GNG2: variants seen among roughly 807,000 people sequenced by gnomAD.
The protein encoded by GNG2 is guanine nucleotide-binding protein G(I)/G(S)/G(O) subunit gamma-2.
Under a neutral mutation model 5.5 loss-of-function variants are expected in GNG2, and 5 were observed. The ratio of observed to expected loss-of-function variants is 0.91; its 90% CI spans 0.48 to 1.92. The LOEUF is 1.92. Among genes scored for constraint, GNG2 ranks in the 30% most tolerant of loss-of-function variants. The pLI, the probability that GNG2 is intolerant of heterozygous loss-of-function variation, is 0.01. For synonymous variants in GNG2, 28 were observed against 32.0 expected (o/e 0.88, Z 0.42); for missense variants, 55 against 88.4 (o/e 0.62, Z 1.52).
chr14:51,907,614 T>G (rs1886014933), intron 2 of GNG2, among the ~76,000 whole-genome samples: 1 of 152,246 alleles, frequency 6.6e-6, no homozygotes, highest in Admixed American at 6.5e-5. Context: ...GACATTTAAT[T>G]TGAACCACTG....
intron 2 of GNG2, among the ~76,000 whole-genome samples, chr14:51,842,121 T>C (rs1180668914): frequency 6.6e-6 from 1 of 152,194 alleles, no homozygotes; most frequent in African/African-American, 2.4e-5. Flanking sequence ...CATAATAAAA[T>C]TGAGATCCTT....
chr14:51,927,606 G>A (rs1887407078), intron 2 of GNG2, among the ~76,000 whole-genome samples: 1 of 152,166 alleles, frequency 6.6e-6, no homozygotes, highest in African/African-American at 2.4e-5. Flanking sequence ...TGGAGTGTAA[G>A]CTTCCTAAAA....
intron 2 of GNG2, chr14:51,841,370 T>A: frequency 2.0e-6 from 1 of 490,766 alleles, no homozygotes; most frequent in East Asian, 3.0e-5. Flanking sequence ...TTGACCAGGT[T>A]TGGGAACCCT....
intron 2 of GNG2, among the ~76,000 whole-genome samples, chr14:51,915,052 T>G (rs1214949113): frequency 6.6e-6 from 1 of 152,234 alleles, no homozygotes; most frequent in Non-Finnish European, 1.5e-5. Context: ...TGCCTTTACT[T>G]TATCAGAAAA....
intron 3 of GNG2, among the ~76,000 whole-genome samples, chr14:51,954,167 C>T (rs1594956752): frequency 1.3e-5 from 2 of 152,166 alleles, no homozygotes; most frequent in Admixed American, 6.5e-5. Flanking sequence ...TATCCCTTTA[C>T]ATCACAGACC....
At chr14:51,844,068 T>A (rs1188403191) in intron 2 of GNG2, among the ~76,000 whole-genome samples, 2 of 152,244 alleles carry the variant, frequency 1.3e-5, no homozygotes, top group Non-Finnish European at 2.9e-5. Flanking sequence ...CAGTTCGCTC[T>A]GCTCCTTCCT....
chr14:51,853,992 G>A (rs1882035281), intron 2 of GNG2, among the ~76,000 whole-genome samples: 1 of 151,678 alleles, frequency 6.6e-6, no homozygotes, highest in African/African-American at 2.4e-5. Flanking sequence ...CCAGGTTCAA[G>A]TGATTCTCCT....
chr14:51,954,039 C>T (rs1050214345), intron 3 of GNG2, among the ~76,000 whole-genome samples: 3 of 152,128 alleles, frequency 2.0e-5, no homozygotes, highest in African/African-American at 7.2e-5. Flanking sequence ...CTTAAGCAGG[C>T]GGTGGCCTTA....
At chr14:51,855,934 A>G (rs1487120896), upstream of GNG2, among the ~76,000 whole-genome samples, 1 of 152,242 alleles carries the variant, frequency 6.6e-6, no homozygotes, top group Non-Finnish European at 1.5e-5. Context: ...GCACTTTGGG[A>G]GGCTGAGGCA....
chr14:51,894,749 C>T lies in GNG2; in HGVS notation c.-30+17092C>T, dbSNP rs145465793. ...TACATAAAAGTACATAGAGGAGTCT[C>T]ACTTATTGGAAGAATTTTATCGTTA... On this transcript the variant is annotated intron_variant, in intron 2 of 3. Coordinates refer to ENST00000556766, the MANE Select transcript of GNG2 (RefSeq NM_053064.5). 9.5e-4 allele frequency among the ~76,000 whole-genome samples: 145 copies of T among 152,112 alleles called. 1 individual carries two copies. The highest frequency in any genetic ancestry group is 3.4e-3 in the African/African-American group (140 of 41,516).
chr14:51,958,697 T>G (rs143061013), intron 3 of GNG2, among the ~76,000 whole-genome samples: 3 of 152,258 alleles, frequency 2.0e-5, no homozygotes, highest in African/African-American at 7.2e-5. Context: ...TTCATTCAGG[T>G]TCCTATACTC....
intron 2 of GNG2, among the ~76,000 whole-genome samples, chr14:51,928,380 T>G (rs1352535107): frequency 6.6e-6 from 1 of 152,154 alleles, no homozygotes; most frequent in Non-Finnish European, 1.5e-5. Context: ...TATATTTTCT[T>G]CTGGCTGACA....
chr14:51,946,075 C>T (rs915690388), intron 2 of GNG2, among the ~76,000 whole-genome samples: 7 of 152,174 alleles, frequency 4.6e-5, no homozygotes, highest in African/African-American at 1.4e-4. Context: ...AAAGCCAATA[C>T]TTGTTCTAGA....
chr14:51,848,155 A>G (rs1472098347), intron 2 of GNG2, among the ~76,000 whole-genome samples: 1 of 151,942 alleles, frequency 6.6e-6, no homozygotes, highest in African/African-American at 2.4e-5. Context: ...TTATAGCCCT[A>G]GTTTCAAAAT....
intron 2 of GNG2, among the ~76,000 whole-genome samples, chr14:51,879,177 C>A (rs1283345468): frequency 6.6e-6 from 1 of 152,206 alleles, no homozygotes; most frequent in Non-Finnish European, 1.5e-5. Context: ...TTCCTTCATA[C>A]AAAATCAGTG....
At chr14:51,881,701 C>A (rs370421163) in intron 2 of GNG2, among the ~76,000 whole-genome samples, 1 of 104,220 alleles carries the variant, frequency 9.6e-6, no homozygotes, top group Non-Finnish European at 1.9e-5. Context: ...AGCTGGAAGA[C>A]TTTTTTTTTT....
intron 2 of GNG2, among the ~76,000 whole-genome samples, chr14:51,829,609 C>T (rs1237853676): frequency 6.6e-6 from 1 of 152,106 alleles, no homozygotes; most frequent in African/African-American, 2.4e-5. Context: ...CTCCACTGAC[C>T]CATTCCCTTG....
Position 51,969,246 on chromosome 14 carries a change from T to TTA in GNG2, c.*2559_*2560insTA, listed in dbSNP as rs1461165403. ...ATCTGCCGTGGAATTAACTAATAAG[T>TTA]AGTAACAATAAACTTCATATTTAGA... On this transcript the variant is annotated 3_prime_UTR_variant, in exon 4 of 4. Coordinates refer to ENST00000556766, the MANE Select transcript of GNG2 (RefSeq NM_053064.5). 6.6e-6 allele frequency: 1 copy of TTA among 152,144 alleles called. No individual in the cohort carries two copies. Among genetic ancestry groups the TTA allele is most frequent in the East Asian group, 1.9e-4 (1 of 5,202 alleles). 9.4% of individuals were successfully genotyped at this position (152,144 alleles called of 1,614,324 possible).
intron 2 of GNG2, among the ~76,000 whole-genome samples, chr14:51,827,984 T>G (rs375618449): frequency 6.6e-6 from 1 of 151,972 alleles, no homozygotes. Context: ...GATAGATGTT[T>G]GGGTTGTAGA....
Sources: allele counts gnomAD v4.1 joint callset (sites outside exome capture counted in the v4.1 genomes callset), GRCh38; gene constraint gnomAD v4.1.1; transcripts MANE v1.5; gene names NCBI Gene and HGNC (gene_info 2026-07-23, HGNC 2026-07-21).